The following TAF1C variants were observed in gnomAD, a reference collection of about 807,000 sequenced individuals.
TAF1C encodes the protein TATA-box binding protein associated factor, RNA polymerase I subunit C.
TAF1C carries 79 observed loss-of-function variants against 70.5 expected under a neutral mutation model. That is an observed-to-expected ratio of 1.12 (90% CI 0.93 to 1.35). The LOEUF (loss-of-function observed/expected upper bound fraction) is 1.35, where lower values mean the gene tolerates loss of function less well. Ranked by LOEUF, TAF1C falls within the 40% of genes most tolerant of loss-of-function variation. The probability of loss-of-function intolerance (pLI) is 0.00; values close to 1 mark genes in which losing one functional copy is unlikely to be tolerated. For missense variants in TAF1C, 1,412 were observed against 1,127.8 expected (o/e 1.25, Z -3.61); for synonymous variants, 614 against 491.1 (o/e 1.25, Z -3.31).
rs749569145 is a variant in TAF1C, at chr16:84,178,296, G to A, written c.*645C>T. ...ATGTCCCAAGGGAGAAGGAACATCAGCCATCATCTCTCTGCATGAGCTCAG... is the reference window on the plus strand; with the variant it reads ...ATGTCCCAAGGGAGAAGGAACATCAACCATCATCTCTCTGCATGAGCTCAG... On this transcript the variant is annotated 3_prime_UTR_variant, in exon 15 of 15. Transcript: ENST00000566732. 4.4e-6 allele frequency: 2 copies of A among 456,622 alleles called. No individual in the cohort carries two copies. The highest frequency in any genetic ancestry group is 8.8e-6 in the Non-Finnish European group (2 of 226,908). The allele number at this position is 456,622 out of a possible 1,614,324, so 28.3% of individuals were successfully genotyped here.
rs546340057 is a variant in TAF1C, at chr16:84,181,760, C to A, written c.942G>T (p.Thr314=). ...LQAMQVEKGA[T]GISLSPHLPG... ...ACCCCCCTCACCTGAGGCTGATCCCCGTGGCCCCTTTCTCCACCTGCATTG... is the reference window on the plus strand; with the variant it reads ...ACCCCCCTCACCTGAGGCTGATCCCAGTGGCCCCTTTCTCCACCTGCATTG... Residue 314 remains threonine (T), a synonymous_variant, in exon 9 of 15, where the codon ACG becomes ACT. Coordinates refer to ENST00000566732, the MANE Select transcript of TAF1C (RefSeq NM_001243156.2). The A allele has an allele frequency of 1.9e-6, 3 of 1,614,112 alleles. No individual in the cohort carries two copies. The Admixed American group carries it at 5.0e-5, about 27-fold the overall frequency.
rs201402423 is a variant in TAF1C, at chr16:84,180,051, G to T, written c.1516C>A (p.Pro506Thr). Reference protein sequence around the residue: ...EGASVPRLAGPPQSLPSRIDS... With the variant: ...EGASVPRLAGTPQSLPSRIDS... ...ATCCTGGAAGGAAGAGACTGGGGGGGGCCTGCCAGGCGGGGCACCGACGCC... is the reference window on the plus strand; with the variant it reads ...ATCCTGGAAGGAAGAGACTGGGGGGTGCCTGCCAGGCGGGGCACCGACGCC... The change falls in exon 14 of 15, where the codon CCC becomes ACC. Residue 506 changes from proline to threonine, a missense_variant. Physicochemically the swap from Pro to Thr is conservative, Grantham distance 38. Transcript: ENST00000566732. 2.3e-4 allele frequency: 373 copies of T among 1,605,922 alleles called. 1 individual carries two copies. The highest frequency in any genetic ancestry group is 2.9e-4 in the Non-Finnish European group (337 of 1,176,850).
Position 84,179,008 on chromosome 16 carries a change from G to A in TAF1C, c.2465C>T (p.Ser822Phe). 6.2e-7 allele frequency: 1 copy of A among 1,610,878 alleles called. No homozygotes were observed. Among genetic ancestry groups the A allele is most frequent in the Non-Finnish European group, 8.5e-7 (1 of 1,179,964 alleles). ...SQASSVRATRSQQHTPVLSSS... is the reference protein window; with the variant it reads ...SQASSVRATRFQQHTPVLSSS... The stretch of plus-strand genomic sequence containing the variant: ...AGAGAGGACGGGTGTGTGCTGCTGG[G>A]AGCGAGTGGCCCGGACGCTGGAGGC... The change falls in exon 15 of 15, where the codon TCC (serine) becomes TTC (phenylalanine). Residue 822 changes from serine (S) to phenylalanine (F), a missense_variant. Transcript: ENST00000566732.
chr16:84,182,296 C>G lies in TAF1C; in HGVS notation c.627G>C (p.Glu209Asp), dbSNP rs1242091801. ...AGGCCAGCGCGCCCCCAGTGCAGGC[C>G]TCATCCAGAAGCAGCTGCTCCCACC... ...VLRWEQLLLD[E>D]ACTGGALAWV... The change falls in exon 7 of 15, where the codon GAG becomes GAC. Residue 209 changes from glutamate (E) to aspartate (D), a missense_variant. Glu to Asp is a conservative substitution (Grantham distance 45, BLOSUM62 2). Transcript: ENST00000566732. The surrounding 1 kb of genome is among the most constrained non-coding windows in gnomAD (Gnocchi z 5.0). 3.7e-6 allele frequency: 6 copies of G among 1,612,872 alleles called. No homozygotes were observed. The African/African-American group carries it at 6.7e-5, about 18-fold the overall frequency.
In TAF1C at chr16:84,182,466, A is replaced by G. The variant is rs760647086; in HGVS notation, c.483-26T>C. ...CTGGGGACCAGAGAACAGCAGGAGG[A>G]TCACTCGGTGGCACTCAGGGGAGGA... On this transcript the variant is annotated intron_variant, in intron 6 of 14. Coordinates refer to ENST00000566732, the MANE Select transcript of TAF1C (RefSeq NM_001243156.2). The surrounding 1 kb of genome is among the most constrained non-coding windows in gnomAD (Gnocchi z 5.0). 7 of 1,583,440 alleles carry G rather than the reference A, an allele frequency of 4.4e-6. No individual in the cohort carries two copies. The African/African-American group carries it at 9.4e-5, about 21-fold the overall frequency.
chr16:84,178,644 G>A lies in TAF1C; in HGVS notation c.*297C>T, dbSNP rs4150178. ...TGCCTGAGGCCCCCACAGCTGAGGC[G>A]CAGCGGAGCCCTGCCTCCCAGCACA... On this transcript the variant is annotated 3_prime_UTR_variant, in exon 15 of 15. Coordinates refer to ENST00000566732, the MANE Select transcript of TAF1C (RefSeq NM_001243156.2). The A allele has an allele frequency of 2.4e-3, 1,123 of 469,046 alleles. 24 individuals are homozygous for A. The highest frequency in any genetic ancestry group is 0.021 in the South Asian group (1,039 of 48,854). The allele number at this position is 469,046 out of a possible 1,614,324, so 29.1% of individuals were successfully genotyped here. A position where few individuals can be genotyped will look rare whatever the true frequency, so the allele number is the denominator to read the frequency against.
Position 84,178,950 on chromosome 16 carries a change from C to G in TAF1C, c.2523G>C (p.Met841Ile), listed in dbSNP as rs1182049656. 6.2e-7 allele frequency: 1 copy of G among 1,604,734 alleles called. No homozygotes were observed. The highest frequency in any genetic ancestry group is 1.1e-5 in the South Asian group (1 of 89,866). Reference sequence around the variant, plus strand: ...AGCCCACCTTGTGTCCTCAGAAGCCCATTCGAGGCTTCTTCCGGAGGGGCT... The same window carrying G: ...AGCCCACCTTGTGTCCTCAGAAGCCGATTCGAGGCTTCTTCCGGAGGGGCT... ...SSQPLRKKPR[M>I]GF Residue 841 changes from methionine to isoleucine, a missense_variant, in exon 15 of 15, where the codon ATG (methionine) becomes ATC (isoleucine). Transcript: ENST00000566732.
rs779711666 is a variant in TAF1C, at chr16:84,179,423, C to T, written c.2050G>A (p.Glu684Lys). 9 of 1,597,120 alleles carry T rather than the reference C, an allele frequency of 5.6e-6. No individual in the cohort carries two copies. The highest frequency in any genetic ancestry group is 4.0e-5 in the African/African-American group (3 of 74,840). Residue 684 changes from glutamate (E) to lysine (K), a missense_variant, in exon 15 of 15, where the codon GAG (glutamate) becomes AAG (lysine). Transcript: ENST00000566732. ...LPAAEPPPAP[E>K]SGLEDKLSER... ...CTGAGCTTGTCCTCTAGGCCTGACT[C>T]GGGTGCAGGGGGTGGCTCTGCCGCA...
At chr16:84,186,726 A>C (rs4150115) in intron 1 of TAF1C, among the ~76,000 whole-genome samples, 175 bp downstream of exon 1, 50,825 of 152,046 alleles carry the variant, frequency 0.33, 10,719 homozygotes, top group African/African-American at 0.6. Context: ...AGGACCCTTT[A>C]GACCTCCAAG....
chr16:84,184,038 C>A (rs1041821059), intron 2 of TAF1C, among the ~76,000 whole-genome samples: 2 of 152,252 alleles, frequency 1.3e-5, no homozygotes, highest in African/African-American at 4.8e-5. Flanking sequence ...CGACCTCCAC[C>A]TGTGCTGGCT....
In TAF1C at chr16:84,177,867, A is replaced by G. The variant is rs750742858; in HGVS notation, c.*1074T>C. On this transcript the variant is annotated 3_prime_UTR_variant, in exon 15 of 15. Transcript: ENST00000566732. Reference sequence around the variant, plus strand: ...TTTTCCCCAGTTATATGTAGCATAAATGGTTTAATCATAAATGTCTCCCTT... The same window carrying G: ...TTTTCCCCAGTTATATGTAGCATAAGTGGTTTAATCATAAATGTCTCCCTT... 9 of 1,575,614 alleles carry G rather than the reference A, an allele frequency of 5.7e-6. No homozygotes were observed. Among genetic ancestry groups the G allele is most frequent in the Non-Finnish European group, 7.9e-6 (9 of 1,145,192 alleles).
chr16:84,178,992 G>T lies in TAF1C; in HGVS notation c.2481C>A (p.Pro827=). 1 of 1,610,842 alleles carries T rather than the reference G, an allele frequency of 6.2e-7. No individual in the cohort carries two copies. Residue 827 remains proline (P), a synonymous_variant, in exon 15 of 15, where the codon CCC becomes CCA. Transcript: ENST00000566732. The part of the protein sequence containing the change: ...VRATRSQQHT[P]VLSSSQPLRK... ...GGAGGGGCTGAGAGCTAGAGAGGAC[G>T]GGTGTGTGCTGCTGGGAGCGAGTGG...
rs2089301824 is a variant in TAF1C, at chr16:84,183,268, C to T, written c.384G>A (p.Glu128=). The change falls in exon 5 of 15, where the codon GAG becomes GAA. Residue 128 remains glutamate (E), a synonymous_variant. Transcript: ENST00000566732. ...AFAPLGKLML[E]NFKLEGAGSR... is the part of the protein sequence containing the mutation. ...CCCCCGCTCCCTCCAGCTTGAAATT[C>T]TCCAGCATCAGCTTCCCCAGGGGCG... is the stretch of plus-strand genomic sequence containing the variant. 6.2e-7 allele frequency: 1 copy of T among 1,614,034 alleles called. No individual in the cohort carries two copies. The highest frequency in any genetic ancestry group is 1.1e-5 in the South Asian group (1 of 91,078).
chr16:84,180,795 C>A (rs1168371432), intron 12 of TAF1C: 2 of 1,354,258 alleles, frequency 1.5e-6, no homozygotes, highest in Admixed American at 3.3e-5. Context: ...GAGGCCCCTC[C>A]TCCCCTGCTC....
intron 11 of TAF1C, 23 bp downstream of exon 11, chr16:84,181,305 G>A (rs1457094219): frequency 4.3e-6 from 7 of 1,611,094 alleles, no homozygotes; most frequent in South Asian, 1.1e-5. Context: ...AGTCGGGGTG[G>A]GTCCTCTGCC....
chr16:84,179,066 G>T lies in TAF1C; in HGVS notation c.2407C>A (p.Pro803Thr). 1 of 1,610,996 alleles carries T rather than the reference G, an allele frequency of 6.2e-7. No homozygotes were observed. The highest frequency in any genetic ancestry group is 1.7e-5 in the Admixed American group (1 of 59,940). Residue 803 changes from proline to threonine, a missense_variant, in exon 15 of 15, where the codon CCA becomes ACA. Coordinates refer to ENST00000566732, the MANE Select transcript of TAF1C (RefSeq NM_001243156.2). ...TGGGGAGGTGTGGTGGCACAGCCTG[G>T]GGTGTCCCTCTGGGGTGGTAGCTTG... ...MAKLPPQRDTPGCATTPPHSQ... is the reference protein window; with the variant it reads ...MAKLPPQRDTTGCATTPPHSQ...
rs778665625 is a variant in TAF1C, at chr16:84,179,475, C to G, written c.1998G>C (p.Leu666=). The G allele has an allele frequency of 6.3e-7, 1 of 1,598,106 alleles. No individual in the cohort carries two copies. The highest frequency in any genetic ancestry group is 2.2e-5 in the East Asian group (1 of 44,724). Residue 666 remains leucine (L), a synonymous_variant, in exon 15 of 15, where the codon CTG becomes CTC. Transcript: ENST00000566732. ...GGAGGGAGCCCAGGTCTCTCTGCAG[C>G]AGGAGCTGCCCTCGGGCCATGGCCT... The part of the protein sequence containing the change: ...LRKAMARGQL[L]LQRDLGSLPA...
rs1159515245 is a variant in TAF1C at position 84,180,332 on chromosome 16, G to C, written c.1321C>G (p.Leu441Val). 1.3e-6 allele frequency: 2 copies of C among 1,543,328 alleles called. No homozygotes were observed. Among genetic ancestry groups the C allele is most frequent in the East Asian group, 2.4e-5 (1 of 40,922 alleles). ...ACCAGGGGAAGGCGCTCGTCCACTAGGTAGAGAGAGAACTGGGGCCCGAGA... is the reference window on the plus strand; with the variant it reads ...ACCAGGGGAAGGCGCTCGTCCACTACGTAGAGAGAGAACTGGGGCCCGAGA... Reference protein sequence around the residue: ...HLVCTQFSLYLVDERLPLVPM... With the variant: ...HLVCTQFSLYVVDERLPLVPM... The change falls in exon 13 of 15, where the codon CTA becomes GTA. Residue 441 changes from leucine (L) to valine (V), a missense_variant. Physicochemically the swap from Leu to Val is conservative, Grantham distance 32 (BLOSUM62 1). Coordinates refer to ENST00000566732, the MANE Select transcript of TAF1C (RefSeq NM_001243156.2).
chr16:84,182,328 C>G lies in TAF1C; in HGVS notation c.595G>C (p.Val199Leu). The G allele has an allele frequency of 6.2e-7, 1 of 1,612,770 alleles. No individual in the cohort carries two copies. The highest frequency in any genetic ancestry group is 1.1e-5 in the South Asian group (1 of 91,070). ...HLAELLHEEL[V>L]LRWEQLLLDE... ...AGAAGCAGCTGCTCCCACCGCAGCA[C>G]CAGCTCCTCGTGCAGCAGCTCTGCC... The change falls in exon 7 of 15, where the codon GTG becomes CTG. Residue 199 changes from valine to leucine, a missense_variant. Val to Leu is a conservative substitution (Grantham distance 32). Coordinates refer to ENST00000566732, the MANE Select transcript of TAF1C (RefSeq NM_001243156.2). This position sits in a 1 kb window ranked among gnomAD's most constrained non-coding sequence, Gnocchi z 5.0.
Sources: allele counts gnomAD v4.1 joint callset (sites outside exome capture counted in the v4.1 genomes callset), GRCh38; gene constraint gnomAD v4.1.1; non-coding constraint Gnocchi (gnomAD v3.1); transcripts MANE v1.5; gene names NCBI Gene and HGNC (gene_info 2026-07-23, HGNC 2026-07-21).